The following CSMD1 variants were observed in gnomAD, a reference collection of about 807,000 sequenced individuals.
The protein encoded by CSMD1 is CUB and sushi domain-containing protein 1.
A neutral mutation model predicts 417.5 loss-of-function variants in CSMD1; 213 were observed. That is an observed-to-expected ratio of 0.51 (90% CI 0.46 to 0.57). The LOEUF is 0.57. Among genes scored for constraint, CSMD1 ranks in the 20% least tolerant of loss-of-function variants. The pLI is 0.00. For synonymous variants in CSMD1, 2,862 were observed against 1,736.8 expected (o/e 1.65, Z -16.11); for missense variants, 6,923 against 4,529.7 (o/e 1.53, Z -15.17).
At chr8:4,778,836 G>T (rs565825299) in intron 1 of CSMD1, among the ~76,000 whole-genome samples, 1 of 152,194 alleles carries the variant, frequency 6.6e-6, no homozygotes, top group Non-Finnish European at 1.5e-5. Context: ...ATGATCAAAA[G>T]TCAGATAGTA....
At chr8:4,457,429 G>T (rs552446225) in intron 2 of CSMD1, among the ~76,000 whole-genome samples, 1 of 151,988 alleles carries the variant, frequency 6.6e-6, no homozygotes, top group African/African-American at 2.4e-5. Context: ...GAGTGACAGG[G>T]AAAAAACAAA....
intron 3 of CSMD1, among the ~76,000 whole-genome samples, chr8:4,161,838 G>A (rs532822848): frequency 2.6e-5 from 4 of 152,170 alleles, no homozygotes; most frequent in East Asian, 1.9e-4. Context: ...ATATGTCACT[G>A]CATTTTTTTC....
chr8:3,849,475 C>G (rs537407044), intron 5 of CSMD1, among the ~76,000 whole-genome samples: 1 of 152,166 alleles, frequency 6.6e-6, no homozygotes, highest in Admixed American at 6.5e-5. Flanking sequence ...TTAGTTACAT[C>G]TGAATTGGAA....
chr8:3,295,553 A>G lies in CSMD1; in HGVS notation c.3951-11207T>C, dbSNP rs568871679. ...CCTTACTAAAGGTCAGTTTGTTTCT[A>G]CATTTTAATTTTGACACGTGGTACC... On this transcript the variant is annotated intron_variant, in intron 25 of 69. Coordinates refer to ENST00000635120, the MANE Select transcript of CSMD1 (RefSeq NM_033225.6). Among the ~76,000 whole-genome samples the G allele has an allele frequency of 2.5e-4, 38 of 152,296 alleles. No homozygotes were observed. In the South Asian group the frequency reaches 3.1e-3, roughly 12 times the overall value.
intron 3 of CSMD1, among the ~76,000 whole-genome samples, chr8:4,239,720 C>G (rs1343035098): frequency 6.6e-6 from 1 of 152,110 alleles, no homozygotes; most frequent in African/African-American, 2.4e-5. Context: ...AAACTGGTTG[C>G]TTTATTGTGG....
chr8:4,992,778 G>A (rs1355933607), intron 1 of CSMD1, among the ~76,000 whole-genome samples: 2 of 152,230 alleles, frequency 1.3e-5, no homozygotes, highest in Non-Finnish European at 2.9e-5. Context: ...CATCCGGACT[G>A]AGCCGGGCGG....
intron 5 of CSMD1, among the ~76,000 whole-genome samples, chr8:3,905,063 A>G (rs922659994): frequency 5.9e-5 from 9 of 152,192 alleles, no homozygotes; most frequent in African/African-American, 1.9e-4. Flanking sequence ...TTCCTTCTCC[A>G]TAGGACCTAT....
intron 12 of CSMD1, among the ~76,000 whole-genome samples, chr8:3,428,887 C>G (rs1407247788): frequency 6.6e-6 from 1 of 152,202 alleles, no homozygotes; most frequent in Non-Finnish European, 1.5e-5. Flanking sequence ...TCATTTGCAG[C>G]AACACGGATG....
At chr8:4,351,840 A>T (rs1040926165) in intron 3 of CSMD1, among the ~76,000 whole-genome samples, 2 of 152,098 alleles carry the variant, frequency 1.3e-5, no homozygotes, top group Non-Finnish European at 1.5e-5. Context: ...GGCCAAGGAG[A>T]TGTCCAGGAC....
intron 3 of CSMD1, among the ~76,000 whole-genome samples, chr8:4,292,237 TGTC>T (rs767508867): frequency 1.3e-5 from 2 of 151,954 alleles, no homozygotes; most frequent in East Asian, 3.9e-4. Context: ...AGAATTTTGT[TGTC>T]GTCGTTGTTG....
intron 45 of CSMD1, 110 bp downstream of exon 45, chr8:3,107,608 G>GTTTTTT (rs1585367326): frequency 1.5e-6 from 1 of 681,242 alleles, no homozygotes; most frequent in Non-Finnish European, 2.5e-6. Context: ...TTCTGTTTTT[G>GTTTTTT]TTTCTCTGAC....
intron 1 of CSMD1, among the ~76,000 whole-genome samples, chr8:4,781,869 A>G (rs557338315): frequency 6.6e-6 from 1 of 152,324 alleles, no homozygotes; most frequent in African/African-American, 2.4e-5. Context: ...CGAGAGGGTC[A>G]GGAACATGGA....
chr8:4,310,977 G>A (rs191911447), intron 3 of CSMD1, among the ~76,000 whole-genome samples: 10 of 152,294 alleles, frequency 6.6e-5, no homozygotes, highest in Admixed American at 6.5e-4. Flanking sequence ...AGTCGGAATG[G>A]CTACTGAAAA....
chr8:3,013,128 T>C (rs535569711), intron 52 of CSMD1, among the ~76,000 whole-genome samples: 1 of 152,198 alleles, frequency 6.6e-6, no homozygotes, highest in Non-Finnish European at 1.5e-5. Flanking sequence ...ATGTCTTTCT[T>C]AGCAGCGTGA....
intron 5 of CSMD1, among the ~76,000 whole-genome samples, chr8:3,983,199 C>T (rs887240041): frequency 6.8e-6 from 1 of 147,216 alleles, no homozygotes; most frequent in Admixed American, 6.9e-5. Flanking sequence ...GGCGCGATCT[C>T]AGCTCACTGC....
At chr8:3,794,418 C>G (rs1056942717) in intron 5 of CSMD1, among the ~76,000 whole-genome samples, 2 of 152,038 alleles carry the variant, frequency 1.3e-5, no homozygotes, top group African/African-American at 4.8e-5. Context: ...CAACCTGTAC[C>G]TTTGTTAAAT....
At chr8:3,898,091 C>T (rs900834617) in intron 5 of CSMD1, among the ~76,000 whole-genome samples, 3 of 152,172 alleles carry the variant, frequency 2.0e-5, no homozygotes, top group African/African-American at 4.8e-5. Flanking sequence ...ATATTACAAT[C>T]GCCCTGACAC....
intron 1 of CSMD1, among the ~76,000 whole-genome samples, chr8:4,692,624 C>T (rs1047482164): frequency 3.3e-5 from 5 of 152,212 alleles, no homozygotes; most frequent in African/African-American, 4.8e-5. Context: ...ATGTGGGGTC[C>T]GTGAGGCTGC....
intron 1 of CSMD1, among the ~76,000 whole-genome samples, chr8:4,763,598 T>G (rs1466272015): frequency 6.6e-6 from 1 of 152,192 alleles, no homozygotes; most frequent in African/African-American, 2.4e-5. Context: ...GAATGACTTA[T>G]GCCTCCACTC....
Sources: allele counts gnomAD v4.1 joint callset (sites outside exome capture counted in the v4.1 genomes callset), GRCh38; gene constraint gnomAD v4.1.1; transcripts MANE v1.5; gene names NCBI Gene and HGNC (gene_info 2026-07-23, HGNC 2026-07-21).